The following DCHS2 variants were observed in gnomAD, a reference collection of about 807,000 sequenced individuals.
DCHS2 encodes the protein protocadherin-23.
In DCHS2, 142 loss-of-function variants were observed where a neutral mutation model predicts 182.4. The observed-to-expected ratio is 0.78, with a 90% confidence interval of 0.68 to 0.89. The LOEUF (loss-of-function observed/expected upper bound fraction) is 0.89. DCHS2 is among the 40% of genes least tolerant of loss of function. DCHS2 has a pLI of 0.00. For synonymous variants in DCHS2, 1,740 were observed against 1,663.3 expected (o/e 1.05, Z -1.12); for missense variants, 4,319 against 4,198.6 (o/e 1.03, Z -0.79).
chr4:154,341,615 T>C (rs1051678651), intron 3 of DCHS2, among the ~76,000 whole-genome samples: 2 of 151,370 alleles, frequency 1.3e-5, no homozygotes, highest in East Asian at 3.9e-4. Flanking sequence ...CATATATATA[T>C]ACACACACAT....
chr4:154,335,010 G>A lies in DCHS2; in HGVS notation c.2571C>T (p.Val857=), dbSNP rs1561051414. The A allele has an allele frequency of 1.2e-6, 2 of 1,614,134 alleles. No individual in the cohort carries two copies. The highest frequency in any genetic ancestry group is 2.2e-5 in the East Asian group (1 of 44,884). Residue 857 remains valine, a synonymous_variant, in exon 4 of 20, where the codon GTC becomes GTT. Coordinates refer to ENST00000357232, the MANE Select transcript of DCHS2 (RefSeq NM_001358235.2). Reference sequence around the variant, plus strand: ...TGTGTATGGTGACATCGGCATTAATGACAGCTGTGAGCCCACCACCGTCTT... The same window carrying A: ...TGTGTATGGTGACATCGGCATTAATAACAGCTGTGAGCCCACCACCGTCTT... ...SAQDGGGLTA[V]INADVTIHIF...
intron 3 of DCHS2, among the ~76,000 whole-genome samples, chr4:154,339,924 G>C (rs897427157): frequency 1.3e-5 from 2 of 152,146 alleles, no homozygotes; most frequent in South Asian, 4.1e-4. Flanking sequence ...GATAGGAACT[G>C]TTAAGGGAAG....
At chr4:154,275,497 G>C (rs114385907) in intron 13 of DCHS2, among the ~76,000 whole-genome samples, 3,673 of 152,156 alleles carry the variant, frequency 0.024, 150 homozygotes, top group African/African-American at 0.084. Context: ...ATTATAATCT[G>C]ATGCTTATTT....
intron 1 of DCHS2, among the ~76,000 whole-genome samples, chr4:154,464,277 C>T (rs1192791929): frequency 6.6e-6 from 1 of 152,102 alleles, no homozygotes; most frequent in Non-Finnish European, 1.5e-5. Flanking sequence ...ACTTTTCCCT[C>T]ATTGCTTTTT....
Position 154,333,370 on chromosome 4 carries a change from A to C in DCHS2, c.2838T>G (p.Val946=). 2 of 1,614,180 alleles carry C rather than the reference A, an allele frequency of 1.2e-6. No individual in the cohort carries two copies. Among genetic ancestry groups the C allele is most frequent in the African/African-American group, 1.3e-5 (1 of 75,056 alleles). ...KPLDHETQPV[V]VLTVQAQLGS... is the part of the protein sequence containing the mutation. Reference sequence around the variant, plus strand: ...CGAGCTGCGCCTGCACCGTGAGCACAACCACGGGCTGCGTCTCGTGATCCA... The same window carrying C: ...CGAGCTGCGCCTGCACCGTGAGCACCACCACGGGCTGCGTCTCGTGATCCA... The change falls in exon 5 of 20, where the codon GTT becomes GTG. Residue 946 remains valine (V), a synonymous_variant. Transcript: ENST00000357232.
intron 9 of DCHS2, 83 bp from the exon 10 acceptor site, chr4:154,316,070 C>T (rs1445227100): frequency 5.2e-6 from 8 of 1,544,014 alleles, no homozygotes; most frequent in Non-Finnish European, 7.0e-6. Flanking sequence ...TCTAACTTGT[C>T]TACCTAATAA....
At chr4:154,243,943 T>A (rs934080311) in intron 16 of DCHS2, among the ~76,000 whole-genome samples, 2 of 152,192 alleles carry the variant, frequency 1.3e-5, no homozygotes, top group African/African-American at 4.8e-5. Flanking sequence ...GCTCTCCATG[T>A]CTCTAAGAGG....
At chr4:154,419,689 C>T (rs535902931) in intron 1 of DCHS2, among the ~76,000 whole-genome samples, 5 of 139,498 alleles carry the variant, frequency 3.6e-5, no homozygotes, top group East Asian at 2.2e-4. Context: ...GATGCCATTA[C>T]GAAGGATGTG....
At chr4:154,371,298 T>C (rs1228649627) in intron 2 of DCHS2, among the ~76,000 whole-genome samples, 1 of 152,046 alleles carries the variant, frequency 6.6e-6, no homozygotes, top group African/African-American at 2.4e-5. Context: ...GTAGAAATTA[T>C]TTGGATGCTG....
intron 1 of DCHS2, among the ~76,000 whole-genome samples, chr4:154,449,170 T>G (rs984469257): frequency 1.3e-5 from 2 of 151,914 alleles, no homozygotes; most frequent in Non-Finnish European, 2.9e-5. Context: ...AGATGAGGTT[T>G]TATAATTATA....
chr4:154,480,844 G>A (rs1237676681), intron 1 of DCHS2, among the ~76,000 whole-genome samples: 2 of 152,036 alleles, frequency 1.3e-5, no homozygotes, highest in African/African-American at 4.8e-5. Flanking sequence ...GCCCAGGCTG[G>A]CCTCAAACTC....
intron 2 of DCHS2, among the ~76,000 whole-genome samples, chr4:154,372,086 A>G (rs1730672062): frequency 6.6e-6 from 1 of 152,144 alleles, no homozygotes; most frequent in Non-Finnish European, 1.5e-5. Flanking sequence ...GATTAGAAGG[A>G]GGTAAAGGAG....
chr4:154,333,582 A>G (rs1728622841), intron 4 of DCHS2, 88 bp from the exon 5 acceptor site: 8 of 1,257,106 alleles, frequency 6.4e-6, no homozygotes, highest in Admixed American at 2.5e-5. Context: ...ACAGTCATCC[A>G]CTGCCTAATG....
intron 1 of DCHS2, among the ~76,000 whole-genome samples, chr4:154,434,439 C>G (rs1442684188): frequency 1.3e-5 from 2 of 152,112 alleles, no homozygotes; most frequent in African/African-American, 4.8e-5. Context: ...AAATAAGTCA[C>G]TGGCAAAAAT....
At chr4:154,326,419 TA>T (rs1475264412) in intron 7 of DCHS2, among the ~76,000 whole-genome samples, 23 of 152,204 alleles carry the variant, frequency 1.5e-4, no homozygotes, top group Admixed American at 1.1e-3. Context: ...AACAATGGCA[TA>T]TTTTGTAGTG....
At chr4:154,459,742 C>T (rs1734931286) in intron 1 of DCHS2, among the ~76,000 whole-genome samples, 1 of 9,522 alleles carries the variant, frequency 1.1e-4, no homozygotes, top group African/African-American at 1.2e-4. Context: ...CATTCTCTCT[C>T]TCTCTCTCTC....
intron 1 of DCHS2, among the ~76,000 whole-genome samples, chr4:154,468,526 G>A (rs1195244948): frequency 6.6e-6 from 1 of 152,044 alleles, no homozygotes; most frequent in Admixed American, 6.5e-5. Flanking sequence ...CTGCCATACA[G>A]TATAGAATTT....
intron 1 of DCHS2, among the ~76,000 whole-genome samples, chr4:154,417,204 TGAGAGAGAGAGAGAGAGA>T (rs70947163): frequency 1.5e-4 from 6 of 39,476 alleles, no homozygotes; most frequent in South Asian, 2.6e-3. Context: ...TGTGTGTGTG[TGAGAGAGAGAGAGAGAGA>T]GAGAGAGAGA....
At chr4:154,481,963 C>A (rs1180620289) in intron 1 of DCHS2, among the ~76,000 whole-genome samples, 2 of 152,166 alleles carry the variant, frequency 1.3e-5, no homozygotes, top group Non-Finnish European at 2.9e-5. Flanking sequence ...TCACACACTT[C>A]ATCAGTGGAC....
Sources: gnomAD v4.1 joint callset for allele counts (sites outside exome capture counted in the v4.1 genomes callset) on GRCh38, gnomAD v4.1.1 for gene constraint, MANE v1.5 for transcripts, NCBI Gene and HGNC (gene_info 2026-07-23, HGNC 2026-07-21) for gene names.